The following CTNNA3 variants were observed in gnomAD, a reference collection of about 807,000 sequenced individuals.
The protein encoded by CTNNA3 is catenin alpha 3, also known as catenin alpha-3.
CTNNA3 carries 76 observed loss-of-function variants against 95.7 expected under a neutral mutation model. The ratio of observed to expected loss-of-function variants is 0.79; its 90% CI spans 0.66 to 0.96. CTNNA3 has a LOEUF of 0.96. Among genes scored for constraint, CTNNA3 ranks in the 40% least tolerant of loss-of-function variants. CTNNA3 has a pLI of 0.00. For missense variants in CTNNA3, 1,191 were observed against 1,089.8 expected, an observed-to-expected ratio of 1.09 and a Z score of -1.31; for synonymous variants, 431 against 374.4, an observed-to-expected ratio of 1.15 and a Z score of -1.74.
intron 15 of CTNNA3, among the ~76,000 whole-genome samples, chr10:66,006,262 CT>C (rs879332957): frequency 3.9e-5 from 6 of 152,042 alleles, no homozygotes; most frequent in Non-Finnish European, 7.4e-5. Context: ...ATCCGCCCGC[CT>C]CGGCCTCCCA....
At chr10:66,991,763 A>C (rs1460954508) in intron 7 of CTNNA3, among the ~76,000 whole-genome samples, 2 of 152,152 alleles carry the variant, frequency 1.3e-5, no homozygotes, top group Non-Finnish European at 2.9e-5. Flanking sequence ...TGCTGTTTAA[A>C]CTTCATAAAG....
At chr10:66,505,467 C>T (rs72791598) in intron 11 of CTNNA3, among the ~76,000 whole-genome samples, 24,777 of 152,008 alleles carry the variant, frequency 0.16, 2,143 homozygotes, top group African/African-American at 0.19. Context: ...TCACAGATGA[C>T]TCAGGGGAAA....
intron 9 of CTNNA3, among the ~76,000 whole-genome samples, chr10:66,736,869 C>A (rs1564648819): frequency 6.6e-6 from 1 of 152,070 alleles, no homozygotes; most frequent in Non-Finnish European, 1.5e-5. Flanking sequence ...TTTAAAATCA[C>A]ATTACTGTTT....
intron 13 of CTNNA3, among the ~76,000 whole-genome samples, chr10:66,215,914 C>T (rs892516109): frequency 2.6e-5 from 4 of 152,244 alleles, no homozygotes; most frequent in African/African-American, 9.6e-5. Flanking sequence ...CACACTACCT[C>T]TCCATTCCCT....
intron 11 of CTNNA3, among the ~76,000 whole-genome samples, chr10:66,397,873 T>A (rs980200718): frequency 7.9e-5 from 12 of 151,938 alleles, no homozygotes; most frequent in African/African-American, 2.7e-4. Context: ...AATAATTTTT[T>A]AAAAGTTTAT....
intron 6 of CTNNA3, among the ~76,000 whole-genome samples, chr10:67,207,085 C>A (rs536495778): frequency 6.6e-6 from 1 of 152,132 alleles, no homozygotes; most frequent in South Asian, 2.1e-4. Context: ...GAGCCGAGAT[C>A]GCACCATTGC....
At chr10:67,318,613 T>C (rs539291273) in intron 5 of CTNNA3, among the ~76,000 whole-genome samples, 5 of 152,192 alleles carry the variant, frequency 3.3e-5, no homozygotes, top group African/African-American at 9.6e-5. Context: ...TCCAGCTACA[T>C]TGGCCTCCTT....
intron 8 of CTNNA3, among the ~76,000 whole-genome samples, chr10:66,773,553 C>T (rs540912310): frequency 2.4e-4 from 36 of 152,268 alleles, no homozygotes; most frequent in Admixed American, 5.2e-4. Flanking sequence ...GCCACAGATG[C>T]CATTTGACTG....
Position 66,096,593 on chromosome 10 carries a change from C to T in CTNNA3, c.1977+6564G>A, listed in dbSNP as rs140096945. ...GCTGGAGTGCAGTGGACACAATCTC[C>T]GCTCACTGCTACCTCCACCTCCTGG... On this transcript the variant is annotated intron_variant, in intron 14 of 17. Coordinates refer to ENST00000433211, the MANE Select transcript of CTNNA3 (RefSeq NM_013266.4). 3.3e-3 allele frequency among the ~76,000 whole-genome samples: 494 copies of T among 150,458 alleles called. 1 individual carries two copies. Among genetic ancestry groups the T allele is most frequent in the African/African-American group, 0.012 (472 of 40,946 alleles).
chr10:66,435,016 GC>G (rs1284862542), intron 11 of CTNNA3, among the ~76,000 whole-genome samples: 1 of 151,888 alleles, frequency 6.6e-6, no homozygotes, highest in African/African-American at 2.4e-5. Context: ...TGGTGGATAA[GC>G]TTTTTGATGT....
At chr10:66,020,460 C>T (rs2079180062) in intron 15 of CTNNA3, among the ~76,000 whole-genome samples, 1 of 152,176 alleles carries the variant, frequency 6.6e-6, no homozygotes, top group South Asian at 2.1e-4. Flanking sequence ...ATGTTTAGGG[C>T]ACCTGTATTC....
chr10:67,726,196 AAT>A (rs942621001), intron 1 of CTNNA3, among the ~76,000 whole-genome samples: 152 of 94,842 alleles, frequency 1.6e-3, no homozygotes, highest in Non-Finnish European at 2.3e-3. Context: ...TATAATATAT[AAT>A]ATATCATATA....
chr10:66,472,356 C>T (rs1839167617), intron 11 of CTNNA3, among the ~76,000 whole-genome samples: 1 of 151,762 alleles, frequency 6.6e-6, no homozygotes, highest in African/African-American at 2.4e-5. Flanking sequence ...TCTGTATTAT[C>T]CTATAACAGA....
chr10:67,611,728 AG>A (rs1843467031), intron 2 of CTNNA3, among the ~76,000 whole-genome samples: 1 of 152,218 alleles, frequency 6.6e-6, no homozygotes, highest in South Asian at 2.1e-4. Flanking sequence ...TAGTATAAAA[AG>A]GCCCTGTTAA....
At chr10:67,594,852 C>A (rs1177034388) in intron 3 of CTNNA3, among the ~76,000 whole-genome samples, 1 of 152,022 alleles carries the variant, frequency 6.6e-6, no homozygotes, top group Non-Finnish European at 1.5e-5. Flanking sequence ...ACACTGTACC[C>A]AGTTTGTAGT....
At chr10:66,554,247 A>G (rs1170853217) in intron 10 of CTNNA3, among the ~76,000 whole-genome samples, 1 of 152,158 alleles carries the variant, frequency 6.6e-6, no homozygotes, top group Non-Finnish European at 1.5e-5. Context: ...TTTGTTAATA[A>G]GTAGTTGCCT....
chr10:66,535,320 G>C (rs991939686), intron 10 of CTNNA3, among the ~76,000 whole-genome samples: 2 of 152,100 alleles, frequency 1.3e-5, no homozygotes, highest in South Asian at 2.1e-4. Flanking sequence ...TTTGTTCAGG[G>C]CAGGTTGAGC....
intron 9 of CTNNA3, among the ~76,000 whole-genome samples, chr10:66,632,881 G>A (rs375716007): frequency 2.0e-5 from 3 of 151,938 alleles, no homozygotes; most frequent in Non-Finnish European, 4.4e-5. Context: ...CATTAAAAAT[G>A]GACAAAATAT....
chr10:66,401,916 C>A (rs1360764240), intron 11 of CTNNA3, among the ~76,000 whole-genome samples: 1 of 152,008 alleles, frequency 6.6e-6, no homozygotes, highest in East Asian at 1.9e-4. Context: ...GCCTCAGTCT[C>A]CCAAAAGTGT....
Sources: gnomAD v4.1 joint callset for allele counts (sites outside exome capture counted in the v4.1 genomes callset) on GRCh38, gnomAD v4.1.1 for gene constraint, MANE v1.5 for transcripts, NCBI Gene and HGNC (gene_info 2026-07-23, HGNC 2026-07-21) for gene names.